NPC1: variants seen among roughly 807,000 people sequenced by gnomAD.
The protein encoded by NPC1 is NPC intracellular cholesterol transporter 1, also known as Niemann-Pick C1 protein.
In NPC1, 85 loss-of-function variants were observed where a neutral mutation model predicts 140.4. The observed-to-expected ratio is 0.61, with a 90% CI of 0.51 to 0.72. The LOEUF (loss-of-function observed/expected upper bound fraction) is 0.72, where lower values mean the gene tolerates loss of function less well. NPC1 is among the 30% of genes least tolerant of loss of function. The pLI, the probability that NPC1 is intolerant of heterozygous loss-of-function variation, is 0.00. For missense variants in NPC1, 1,504 were observed against 1,623.8 expected (o/e 0.93, Z 1.27); for synonymous variants, 656 against 624.8 (o/e 1.05, Z -0.74).
chr18:23,539,289 G>T, intron 19 of NPC1, 66 bp downstream of exon 19: 2 of 1,126,470 alleles, frequency 1.8e-6, no homozygotes, highest in South Asian at 1.3e-5. Flanking sequence ...CGATGCAAAT[G>T]ATTTTTAAAT....
In NPC1 at chr18:23,573,652, C is replaced by T. The variant is rs189373664; in HGVS notation, c.58-78G>A. On this transcript the variant is annotated intron_variant, in intron 1 of 24. Coordinates refer to ENST00000269228, the MANE Select transcript of NPC1 (RefSeq NM_000271.5). ...TCAACAAGAAGTGCCCACTCAAGTA[C>T]AATCACAGAAACTTCCAATGCTACC... 301 of 1,569,122 alleles carry T rather than the reference C, an allele frequency of 1.9e-4. 1 individual carries two copies. The Middle Eastern group carries it at 4.2e-3, about 22-fold the overall frequency.
intron 2 of NPC1, among the ~76,000 whole-genome samples, chr18:23,572,418 T>A (rs1304974607): frequency 6.6e-6 from 1 of 152,028 alleles, no homozygotes; most frequent in Non-Finnish European, 1.5e-5. Context: ...TCTCCTCTCC[T>A]GACAATCATT....
At chr18:23,561,728 C>T (rs948794920) in intron 4 of NPC1, among the ~76,000 whole-genome samples, 2 of 152,058 alleles carry the variant, frequency 1.3e-5, no homozygotes, top group Admixed American at 1.3e-4. Flanking sequence ...TATGGAGGCC[C>T]GATTCCAAGT....
chr18:23,535,711 G>A lies in NPC1; in HGVS notation c.3246-11C>T. ...AAGACATAAAACACACTGGAGGGGAGAGGGGAGGCCTCATTAAAGCTCGCT... is the reference window on the plus strand; with the variant it reads ...AAGACATAAAACACACTGGAGGGGAAAGGGGAGGCCTCATTAAAGCTCGCT... On this transcript the variant is annotated splice_polypyrimidine_tract_variant and intron_variant, in intron 21 of 24. Transcript: ENST00000269228. 1 of 1,579,032 alleles carries A rather than the reference G, an allele frequency of 6.3e-7. No homozygotes were observed. Among genetic ancestry groups the A allele is most frequent in the Admixed American group, 1.7e-5 (1 of 59,894 alleles).
At chr18:23,564,895 G>A (rs1324134198) in intron 4 of NPC1, among the ~76,000 whole-genome samples, 1 of 152,136 alleles carries the variant, frequency 6.6e-6, no homozygotes, top group Non-Finnish European at 1.5e-5. Flanking sequence ...ATTTTTGCAT[G>A]TGTGTATCCA....
downstream of NPC1, chr18:23,529,826 GA>G: frequency 8.6e-7 from 1 of 1,157,602 alleles, no homozygotes; most frequent in Admixed American, 1.9e-5. Flanking sequence ...CCCTGACTCA[GA>G]ATGCTGAGTG....
intron 19 of NPC1, 100 bp from the exon 20 acceptor site, chr18:23,538,771 C>CT: frequency 7.9e-7 from 1 of 1,259,802 alleles, no homozygotes; most frequent in African/African-American, 1.5e-5. Flanking sequence ...ACTTTCTTCT[C>CT]TATCGATTAC....
rs370208287 is a variant in NPC1 at position 23,572,229 on chromosome 18, A to C, written c.181-49T>G. ...ACGGGAGTAGGCAACAGTTAGAGTA[A>C]GGTCAACATTCCTCAGTGAACTAAG... On this transcript the variant is annotated intron_variant, in intron 2 of 24. Coordinates refer to ENST00000269228, the MANE Select transcript of NPC1 (RefSeq NM_000271.5). 4.3e-5 allele frequency: 55 copies of C among 1,271,692 alleles called. No individual in the cohort carries two copies. The African/African-American group carries it at 6.7e-4, about 16-fold the overall frequency. 78.8% of individuals were successfully genotyped at this position (1,271,692 alleles called of 1,614,324 possible). A position where few individuals can be genotyped will look rare whatever the true frequency, so the allele number is the denominator to read the frequency against.
intron 21 of NPC1, among the ~76,000 whole-genome samples, chr18:23,536,344 C>A (rs990790440): frequency 1.3e-5 from 2 of 152,204 alleles, no homozygotes; most frequent in Non-Finnish European, 2.9e-5. Flanking sequence ...TCATTGTTGG[C>A]CAAGAATGTG....
At chr18:23,521,696 T>TC (rs965762826), downstream of NPC1, among the ~76,000 whole-genome samples, 14 of 12,282 alleles carry the variant, frequency 1.1e-3, no homozygotes, top group African/African-American at 8.2e-3. Flanking sequence ...ACTCTCTCTC[T>TC]TTTTTTTTTT....
chr18:23,581,450 A>G (rs2059354500), intron 1 of NPC1, among the ~76,000 whole-genome samples: 2 of 152,194 alleles, frequency 1.3e-5, no homozygotes, highest in East Asian at 1.9e-4. Flanking sequence ...GAAGCACCCA[A>G]TGTGCCATCT....
At chr18:23,523,847 C>T (rs868607719) in intron 1 of NPC1, among the ~76,000 whole-genome samples, 22 of 152,254 alleles carry the variant, frequency 1.4e-4, no homozygotes, top group African/African-American at 4.8e-4. Flanking sequence ...CATATGTAAA[C>T]GATCATGAGT....
intron 22 of NPC1, 90 bp from the exon 23 acceptor site, chr18:23,534,649 A>G: frequency 9.9e-7 from 1 of 1,006,142 alleles, no homozygotes; most frequent in Non-Finnish European, 1.5e-6. Context: ...CTAATTACCC[A>G]GGGCACCCTG....
chr18:23,512,064 A>G (rs1232276774), intron 3 of NPC1, among the ~76,000 whole-genome samples: 1 of 138,132 alleles, frequency 7.2e-6, no homozygotes, highest in Non-Finnish European at 1.5e-5. Context: ...TCCGTCGCCC[A>G]GGCTGGAGTG....
At chr18:23,520,036 G>T (rs1204208348), downstream of NPC1, among the ~76,000 whole-genome samples, 1 of 152,184 alleles carries the variant, frequency 6.6e-6, no homozygotes, top group African/African-American at 2.4e-5. Flanking sequence ...TTAAAAGAGA[G>T]TTGTGATGTT....
chr18:23,556,803 G>A (rs904983257), intron 7 of NPC1, 190 bp from the exon 8 acceptor site: 10 of 857,888 alleles, frequency 1.2e-5, no homozygotes, highest in Middle Eastern at 6.8e-4. Context: ...CTCAATGAGC[G>A]CTATTCCCAC....
At chr18:23,559,841 C>G (rs1190892931) in intron 6 of NPC1, among the ~76,000 whole-genome samples, 1 of 151,976 alleles carries the variant, frequency 6.6e-6, no homozygotes, top group African/African-American at 2.4e-5. Context: ...GCCTGTAATC[C>G]CAGCTACTCA....
At chr18:23,538,264 T>C (rs933332569) in intron 20 of NPC1, among the ~76,000 whole-genome samples, 10 of 152,200 alleles carry the variant, frequency 6.6e-5, no homozygotes, top group African/African-American at 9.7e-5. Context: ...CCGCTTGGAA[T>C]GTGCACAGGA....
intron 4 of NPC1, among the ~76,000 whole-genome samples, chr18:23,567,169 C>T (rs2059137336): frequency 6.6e-6 from 1 of 152,202 alleles, no homozygotes. Context: ...GGGGTAGACA[C>T]ATTTTTAACT....
Sources: allele counts gnomAD v4.1 joint callset (sites outside exome capture counted in the v4.1 genomes callset), GRCh38; gene constraint gnomAD v4.1.1; transcripts MANE v1.5; gene names NCBI Gene and HGNC (gene_info 2026-07-23, HGNC 2026-07-21).